KDM4A: variants seen among roughly 807,000 people sequenced by gnomAD.
KDM4A encodes lysine-specific demethylase 4A.
KDM4A carries 23 observed loss-of-function variants against 127.1 expected under a neutral mutation model. That is an observed-to-expected ratio of 0.18 (90% CI 0.13 to 0.26). The LOEUF is 0.26. Among genes scored for constraint, KDM4A ranks in the 10% least tolerant of loss-of-function variants. The probability of loss-of-function intolerance (pLI) is 1.00; values close to 1 mark genes in which losing one functional copy is unlikely to be tolerated. For missense variants in KDM4A, 890 were observed against 1,329.1 expected, an observed-to-expected ratio of 0.67 and a Z score of 5.14; for synonymous variants, 443 against 466.5, an observed-to-expected ratio of 0.95 and a Z score of 0.65.
At chr1:43,696,686 C>T (rs1661247793) in intron 18 of KDM4A, among the ~76,000 whole-genome samples, 1 of 152,174 alleles carries the variant, frequency 6.6e-6, no homozygotes, top group African/African-American at 2.4e-5. Flanking sequence ...TACTGAGTCA[C>T]AGCTATGATA....
In KDM4A at chr1:43,688,887, G is replaced by A; in HGVS notation, c.1856-27G>A. 1 of 1,607,720 alleles carries A rather than the reference G, an allele frequency of 6.2e-7. No individual in the cohort carries two copies. Among genetic ancestry groups the A allele is most frequent in the East Asian group, 2.2e-5 (1 of 44,834 alleles). On this transcript the variant is annotated intron_variant, in intron 12 of 21. Coordinates refer to ENST00000372396, the MANE Select transcript of KDM4A (RefSeq NM_014663.3). This position sits in a 1 kb window ranked among gnomAD's most constrained non-coding sequence, Gnocchi z 4.4. ...GCCACAGATGTGCAGGGTTAGTGCT[G>A]ACTCACACTTCTGTTTCCTCCTCTA...
intron 11 of KDM4A, among the ~76,000 whole-genome samples, chr1:43,677,294 G>GCCATT (rs1660762920): frequency 1.3e-5 from 2 of 150,368 alleles, no homozygotes; most frequent in Non-Finnish European, 2.9e-5. Flanking sequence ...GCGCTGAGCT[G>GCCATT]GGATCTTGCC....
At chr1:43,655,868 CA>C (rs1660225114) in intron 3 of KDM4A, 102 bp downstream of exon 3, 5 of 952,448 alleles carry the variant, frequency 5.2e-6, no homozygotes, top group Non-Finnish European at 7.5e-6. Flanking sequence ...ACAGTGTCTT[CA>C]GCAGGATGGC....
chr1:43,683,406 G>C (rs1011725598), intron 11 of KDM4A, among the ~76,000 whole-genome samples: 2 of 152,244 alleles, frequency 1.3e-5, no homozygotes, highest in Non-Finnish European at 2.9e-5. Flanking sequence ...CTCAGAGCTG[G>C]AGCAGGCTTG....
At chr1:43,699,649 G>A (rs2154049233) in intron 19 of KDM4A, 1 of 151,286 alleles carries the variant, frequency 6.6e-6, no homozygotes, top group Middle Eastern at 3.5e-3. Flanking sequence ...AATTTTTTTA[G>A]ATTAAAAATA....
intron 12 of KDM4A, among the ~76,000 whole-genome samples, chr1:43,686,852 A>C (rs1660993964): frequency 6.6e-6 from 1 of 152,214 alleles, no homozygotes; most frequent in Non-Finnish European, 1.5e-5. Context: ...ACACATTTTA[A>C]CTGTACAGCT....
chr1:43,663,555 T>C (rs1166169805), intron 5 of KDM4A, among the ~76,000 whole-genome samples: 5 of 152,262 alleles, frequency 3.3e-5, no homozygotes, highest in African/African-American at 1.2e-4. Context: ...CAGAGTGTTA[T>C]TCTTGTTGGT....
intron 11 of KDM4A, among the ~76,000 whole-genome samples, chr1:43,674,566 G>C (rs561382630): frequency 1.3e-5 from 2 of 151,584 alleles, no homozygotes; most frequent in South Asian, 4.2e-4. Context: ...GCCCAGGCTG[G>C]AGTGCAGTGG....
intron 9 of KDM4A, among the ~76,000 whole-genome samples, chr1:43,668,240 C>T (rs548270234): frequency 1.3e-5 from 2 of 152,280 alleles, no homozygotes; most frequent in South Asian, 4.1e-4. Flanking sequence ...ATTCTTCTGC[C>T]TCAGCCTCCC....
chr1:43,682,685 G>A (rs1055032664), intron 11 of KDM4A, among the ~76,000 whole-genome samples: 2 of 152,224 alleles, frequency 1.3e-5, no homozygotes, highest in African/African-American at 4.8e-5. Flanking sequence ...AGCAGGTTCT[G>A]TTTTTCCTGG....
chr1:43,660,175 G>T, intron 3 of KDM4A, 123 bp from the exon 4 acceptor site: 1 of 1,097,904 alleles, frequency 9.1e-7, no homozygotes. Flanking sequence ...TGAAGGCCAA[G>T]ATTATGCCTT....
intron 19 of KDM4A, among the ~76,000 whole-genome samples, chr1:43,702,886 C>T (rs1254911560): frequency 6.6e-6 from 1 of 151,990 alleles, no homozygotes; most frequent in African/African-American, 2.4e-5. Context: ...CAAAGATTAG[C>T]TGGGCATGGT....
In KDM4A at chr1:43,691,491, G is replaced by A; in HGVS notation, c.2243-5G>A. On this transcript the variant is annotated splice_region_variant and splice_polypyrimidine_tract_variant and intron_variant, in intron 14 of 21. Transcript: ENST00000372396. ...TTAATTTGCTCATCTTGGTGTCCCT[G>A]TTAGGTTGCTATGGGGTCCCCCCTG... The A allele has an allele frequency of 6.2e-7, 1 of 1,613,336 alleles. No homozygotes were observed. Among genetic ancestry groups the A allele is most frequent in the Admixed American group, 1.7e-5 (1 of 59,994 alleles).
intron 11 of KDM4A, among the ~76,000 whole-genome samples, chr1:43,673,746 CTT>C (rs1411331186): frequency 6.6e-6 from 1 of 152,180 alleles, no homozygotes; most frequent in Admixed American, 6.5e-5. Context: ...ACCAGAGTCT[CTT>C]TAACTCCCAG....
chr1:43,688,508 T>C lies in KDM4A; in HGVS notation c.1856-406T>C, dbSNP rs540691012. Among the ~76,000 whole-genome samples the C allele has an allele frequency of 1.7e-4, 26 of 152,366 alleles. No individual in the cohort carries two copies. The highest frequency in any genetic ancestry group is 1.4e-3 in the Admixed American group (22 of 15,310). The stretch of plus-strand genomic sequence containing the variant: ...TTTAGTTGCACTAAAGGGAAAACTC[T>C]AAAAGGTAAAGGACTTAACAGGCTG... On this transcript the variant is annotated intron_variant, in intron 12 of 21. Transcript: ENST00000372396. This position sits in a 1 kb window ranked among gnomAD's most constrained non-coding sequence, Gnocchi z 4.4.
At position 43,657,815 on chromosome 1, in the gene KDM4A, A is replaced by T. The variant is rs572423547; in HGVS notation, c.314+2049A>T. ...ACCCAGGCTGGAGTGCAGTGGCACA[A>T]TCTTGGCTCATTGCAGCCTCCGCCT... On this transcript the variant is annotated intron_variant, in intron 3 of 21. Transcript: ENST00000372396. Among the ~76,000 whole-genome samples, 406 of 145,576 alleles carry T rather than the reference A, an allele frequency of 2.8e-3. 1 individual carries two copies. The highest frequency in any genetic ancestry group is 4.0e-3 in the Non-Finnish European group (271 of 67,274).
chr1:43,652,964 G>A (rs964799602), intron 1 of KDM4A, among the ~76,000 whole-genome samples, 173 bp from the exon 2 acceptor site: 24 of 152,094 alleles, frequency 1.6e-4, no homozygotes, highest in Admixed American at 7.9e-4. Context: ...GATTACAGGC[G>A]TGAGCCACCG....
In KDM4A at chr1:43,692,251, G is replaced by A; in HGVS notation, c.2320-5G>A. The A allele has an allele frequency of 6.2e-7, 1 of 1,613,974 alleles. No homozygotes were observed. The highest frequency in any genetic ancestry group is 8.5e-7 in the Non-Finnish European group (1 of 1,179,892). On this transcript the variant is annotated splice_region_variant and splice_polypyrimidine_tract_variant and intron_variant, in intron 15 of 21. Coordinates refer to ENST00000372396, the MANE Select transcript of KDM4A (RefSeq NM_014663.3). Reference sequence around the variant, plus strand: ...CACTTTTTCCTCCCTCTCCTTTCTTGGCAGGACTGCTGTTTATGCTCATTA... The same window carrying A: ...CACTTTTTCCTCCCTCTCCTTTCTTAGCAGGACTGCTGTTTATGCTCATTA...
intron 1 of KDM4A, chr1:43,650,557 T>C (rs1237372806): frequency 1.3e-5 from 2 of 152,116 alleles, no homozygotes; most frequent in East Asian, 3.9e-4. Flanking sequence ...GCGGTGAGGT[T>C]CGGGGACGGT....
Sources: gnomAD v4.1 joint callset for allele counts (sites outside exome capture counted in the v4.1 genomes callset) on GRCh38, gnomAD v4.1.1 for gene constraint, Gnocchi (gnomAD v3.1) non-coding constraint, MANE v1.5 for transcripts, NCBI Gene and HGNC (gene_info 2026-07-23, HGNC 2026-07-21) for gene names.